The following ACKR3 variants were observed in gnomAD, a reference collection of about 807,000 sequenced individuals.
The protein encoded by ACKR3 is atypical chemokine receptor 3.
Under a neutral mutation model 22.4 loss-of-function variants are expected in ACKR3, and 6 were observed. The ratio of observed to expected loss-of-function variants is 0.27; its 90% CI spans 0.15 to 0.53. The LOEUF (loss-of-function observed/expected upper bound fraction) is 0.53, where lower values mean the gene tolerates loss of function less well. Ranked by LOEUF, ACKR3 falls within the 20% of genes least tolerant of loss-of-function variation. The pLI, the probability that ACKR3 is intolerant of heterozygous loss-of-function variation, is 0.96. For synonymous variants in ACKR3, 209 were observed against 205.2 expected (o/e 1.02, Z -0.16); for missense variants, 396 against 475.2 (o/e 0.83, Z 1.55).
At chr2:236,557,206 A>G in the ACKR3 span, among the ~76,000 whole-genome samples, 1 of 152,066 alleles carries the variant, frequency 6.6e-6, no homozygotes, top group Non-Finnish European at 1.5e-5. Context: ...GCTGGTGGGA[A>G]CCAATTACTG....
the ACKR3 span, among the ~76,000 whole-genome samples, chr2:236,539,306 CTTTTTT>C: frequency 0.03 from 3,595 of 120,734 alleles, 71 homozygotes; most frequent in East Asian, 0.13. Flanking sequence ...TTTTTCTTTT[CTTTTTT>C]TTTTTTTTTT....
the ACKR3 span, among the ~76,000 whole-genome samples, chr2:236,551,874 A>G: frequency 6.6e-6 from 1 of 151,540 alleles, no homozygotes; most frequent in South Asian, 2.1e-4. Flanking sequence ...GGCCCACCCG[A>G]CTCTGAGACA....
chr2:236,549,973 C>G, the ACKR3 span, among the ~76,000 whole-genome samples: 1 of 152,200 alleles, frequency 6.6e-6, no homozygotes, highest in Non-Finnish European at 1.5e-5. This position sits in a 1 kb window ranked among gnomAD's most constrained non-coding sequence, Gnocchi z 5.3. Context: ...ACATCCCCAA[C>G]TGTGAGGGCC....
intron 1 of ACKR3, among the ~76,000 whole-genome samples, chr2:236,575,919 T>C (rs1311424429): frequency 6.6e-6 from 1 of 152,222 alleles, no homozygotes; most frequent in Non-Finnish European, 1.5e-5. Flanking sequence ...ATGAATATTT[T>C]GAGGAGAGAA....
chr2:236,564,109 CA>C (rs1208497071), upstream of ACKR3, among the ~76,000 whole-genome samples: 4 of 152,082 alleles, frequency 2.6e-5, no homozygotes, highest in Non-Finnish European at 5.9e-5. Context: ...CCTCCCTCTG[CA>C]AAAACCCCCT....
At chr2:236,542,677 G>A in the ACKR3 span, among the ~76,000 whole-genome samples, 1 of 152,168 alleles carries the variant, frequency 6.6e-6, no homozygotes, top group African/African-American at 2.4e-5. Context: ...AGCAATTGCA[G>A]GAGACTGGGA....
chr2:236,562,951 C>T (rs58531514), upstream of ACKR3, among the ~76,000 whole-genome samples: 1 of 152,148 alleles, frequency 6.6e-6, no homozygotes, highest in African/African-American at 2.4e-5. Context: ...GTTCCACATC[C>T]TTGTTCACAT....
Position 236,581,021 on chromosome 2 carries a change from G to A in ACKR3, c.556G>A (p.Val186Ile), listed in dbSNP as rs143561143. ...GCCTGACACCTACTACCTGAAGACC[G>A]TCACGTCTGCGTCCAACAATGAGAC... ...SLPDTYYLKTVTSASNNETYC... is the reference protein window; with the variant it reads ...SLPDTYYLKTITSASNNETYC... The change falls in exon 2 of 2, where the codon GTC becomes ATC. Residue 186 changes from valine (V) to isoleucine (I), a missense_variant. Physicochemically the swap from Val to Ile is conservative, Grantham distance 29 (BLOSUM62 3). Transcript: ENST00000272928. The surrounding 1 kb of genome is among the most constrained non-coding windows in gnomAD (Gnocchi z 4.4). 1.2e-4 allele frequency: 189 copies of A among 1,614,108 alleles called. 1 individual carries two copies. The African/African-American group carries it at 1.9e-3, about 16-fold the overall frequency.
chr2:236,565,684 G>T (rs1691163391), upstream of ACKR3, among the ~76,000 whole-genome samples: 1 of 152,146 alleles, frequency 6.6e-6, no homozygotes, highest in African/African-American at 2.4e-5. Flanking sequence ...ATCTTATGTG[G>T]ATTAAATTCT....
intron 1 of ACKR3, among the ~76,000 whole-genome samples, chr2:236,575,052 C>T (rs543758531): frequency 3.3e-5 from 5 of 151,914 alleles, no homozygotes; most frequent in Non-Finnish European, 5.9e-5. Flanking sequence ...ACAGAGCAAG[C>T]GCTGGGAAAA....
the ACKR3 span, among the ~76,000 whole-genome samples, chr2:236,538,818 T>C: frequency 6.6e-6 from 1 of 152,242 alleles, no homozygotes. Flanking sequence ...TGATATTGCT[T>C]GGGATATTCT....
At chr2:236,541,725 A>G in the ACKR3 span, among the ~76,000 whole-genome samples, 1 of 152,310 alleles carries the variant, frequency 6.6e-6, no homozygotes, top group East Asian at 1.9e-4. Flanking sequence ...TCCCAATGTC[A>G]AGGGTGGGGC....
the ACKR3 span, among the ~76,000 whole-genome samples, chr2:236,555,395 C>T: frequency 2.6e-5 from 4 of 152,252 alleles, no homozygotes; most frequent in South Asian, 8.3e-4. Context: ...GGAGCAGGAC[C>T]ATTGGACCGT....
intron 1 of ACKR3, among the ~76,000 whole-genome samples, chr2:236,578,356 T>C (rs1191404479): frequency 2.6e-5 from 4 of 152,232 alleles, no homozygotes; most frequent in African/African-American, 9.6e-5. Flanking sequence ...CTCACCTCCA[T>C]GGGCAGCCTC....
chr2:236,561,646 C>T, the ACKR3 span, among the ~76,000 whole-genome samples: 4 of 152,106 alleles, frequency 2.6e-5, no homozygotes, highest in African/African-American at 9.7e-5. Context: ...TGTGTGCCAC[C>T]ATGCCTGGCT....
At position 236,577,383 on chromosome 2, in the gene ACKR3, A is replaced by G. The variant is rs1216615163; in HGVS notation, c.-26-3057A>G. ...TCCCTAAATCAAATTTTCGTCACCCAAAGAGGCAAAGGTAGAAAGCCAAGG... is the reference window on the plus strand; with the variant it reads ...TCCCTAAATCAAATTTTCGTCACCCGAAGAGGCAAAGGTAGAAAGCCAAGG... On this transcript the variant is annotated intron_variant, in intron 1 of 1. Coordinates refer to ENST00000272928, the MANE Select transcript of ACKR3 (RefSeq NM_020311.3). This position sits in a 1 kb window ranked among gnomAD's most constrained non-coding sequence, Gnocchi z 5.6. Among the ~76,000 whole-genome samples, 1 of 152,188 alleles carries G rather than the reference A, an allele frequency of 6.6e-6. No individual in the cohort carries two copies. The highest frequency in any genetic ancestry group is 1.5e-5 in the Non-Finnish European group (1 of 68,028).
chr2:236,538,160 C>T, the ACKR3 span, among the ~76,000 whole-genome samples: 1 of 152,152 alleles, frequency 6.6e-6, no homozygotes, highest in South Asian at 2.1e-4. Flanking sequence ...TTAATACTAG[C>T]ACACATCACA....
rs1485086568 is a variant in ACKR3, at chr2:236,577,231, G to A, written c.-26-3209G>A. 6.6e-6 allele frequency among the ~76,000 whole-genome samples: 1 copy of A among 152,240 alleles called. No individual in the cohort carries two copies. Among genetic ancestry groups the A allele is most frequent in the Non-Finnish European group, 1.5e-5 (1 of 68,036 alleles). ...CTCATTCAGCCCTTGGGCAGCAACAGCCATGCCCTTGTTGGAAGTTTCCCA... is the reference window on the plus strand; with the variant it reads ...CTCATTCAGCCCTTGGGCAGCAACAACCATGCCCTTGTTGGAAGTTTCCCA... On this transcript the variant is annotated intron_variant, in intron 1 of 1. Transcript: ENST00000272928. This position sits in a 1 kb window ranked among gnomAD's most constrained non-coding sequence, Gnocchi z 5.6.
chr2:236,555,319 C>T, the ACKR3 span, among the ~76,000 whole-genome samples: 287 of 152,324 alleles, frequency 1.9e-3, no homozygotes, highest in African/African-American at 6.7e-3. Context: ...AGGTCTAGGT[C>T]TCTGCAGGGG....
Sources: gnomAD v4.1 joint callset for allele counts (sites outside exome capture counted in the v4.1 genomes callset) on GRCh38, gnomAD v4.1.1 for gene constraint, Gnocchi (gnomAD v3.1) non-coding constraint, MANE v1.5 for transcripts, NCBI Gene and HGNC (gene_info 2026-07-23, HGNC 2026-07-21) for gene names.